Variants in SNX7 observed in about 807,000 individuals in gnomAD.
The protein encoded by SNX7 is sorting nexin 7, also known as sorting nexin-7.
A neutral mutation model predicts 48.4 loss-of-function variants in SNX7; 35 were observed. The observed-to-expected ratio is 0.72, with a 90% CI of 0.55 to 0.96. The LOEUF (loss-of-function observed/expected upper bound fraction) is 0.96. Ranked by LOEUF, SNX7 falls within the 40% of genes least tolerant of loss-of-function variation. The pLI, the probability that SNX7 is intolerant of heterozygous loss-of-function variation, is 0.00. For missense variants in SNX7, 553 were observed against 548.9 expected, an observed-to-expected ratio of 1.01 and a Z score of -0.07; for synonymous variants, 190 against 190.2, an observed-to-expected ratio of 1.00 and a Z score of 0.01.
At chr1:98,719,561 CTCTG>C (rs1274071639) in intron 7 of SNX7, among the ~76,000 whole-genome samples, 3 of 152,006 alleles carry the variant, frequency 2.0e-5, no homozygotes, top group East Asian at 1.9e-4. Flanking sequence ...AATTCTTGAT[CTCTG>C]TCTTTCTGAT....
chr1:98,725,533 T>TA (rs1398338584), intron 7 of SNX7, among the ~76,000 whole-genome samples: 1 of 152,152 alleles, frequency 6.6e-6, no homozygotes, highest in Non-Finnish European at 1.5e-5. Context: ...TAATATACTT[T>TA]AAAAAAACTG....
At chr1:98,674,797 G>T (rs1334518339) in intron 1 of SNX7, among the ~76,000 whole-genome samples, 1 of 152,182 alleles carries the variant, frequency 6.6e-6, no homozygotes. Flanking sequence ...GACAGTGGAT[G>T]TATTGTTTTG....
intron 7 of SNX7, among the ~76,000 whole-genome samples, chr1:98,732,798 T>A (rs1336285819): frequency 6.6e-6 from 1 of 152,096 alleles, no homozygotes; most frequent in Non-Finnish European, 1.5e-5. Flanking sequence ...TTTAACAGTT[T>A]CCAAATGAAC....
chr1:98,663,824 CG>C (rs1445167508), intron 1 of SNX7, among the ~76,000 whole-genome samples: 3 of 152,102 alleles, frequency 2.0e-5, no homozygotes, highest in African/African-American at 7.2e-5. Flanking sequence ...GTGTTAACTG[CG>C]CGTGTTGGAT....
chr1:98,745,215 G>A (rs1654255189), intron 8 of SNX7, among the ~76,000 whole-genome samples: 2 of 151,996 alleles, frequency 1.3e-5, no homozygotes, highest in African/African-American at 4.8e-5. Context: ...AGGTGTAATA[G>A]ATGGTCTGTA....
At chr1:98,731,940 G>A (rs6577375) in intron 7 of SNX7, among the ~76,000 whole-genome samples, 40,043 of 151,874 alleles carry the variant, frequency 0.26, 5,615 homozygotes, top group Middle Eastern at 0.31. Flanking sequence ...GTAATTAAAT[G>A]TAAGTTTTCA....
At chr1:98,703,718 CTATA>C (rs1215715415) in intron 7 of SNX7, among the ~76,000 whole-genome samples, 2 of 151,506 alleles carry the variant, frequency 1.3e-5, no homozygotes, top group South Asian at 4.2e-4. Context: ...TAGTTCTTAA[CTATA>C]TATAGAGAGA....
At chr1:98,710,442 T>G (rs917589704) in intron 7 of SNX7, among the ~76,000 whole-genome samples, 1 of 152,086 alleles carries the variant, frequency 6.6e-6, no homozygotes, top group African/African-American at 2.4e-5. Context: ...AGGAAGATTT[T>G]TTTTTTCTGT....
chr1:98,691,022 A>G, intron 2 of SNX7, 53 bp from the exon 3 acceptor site: 7 of 1,194,774 alleles, frequency 5.9e-6, no homozygotes, highest in Non-Finnish European at 8.2e-6. Flanking sequence ...ACGTTAGGCA[A>G]ATACCTTCTA....
At chr1:98,681,055 G>A (rs1356920822) in intron 1 of SNX7, among the ~76,000 whole-genome samples, 2 of 152,186 alleles carry the variant, frequency 1.3e-5, no homozygotes, top group Non-Finnish European at 2.9e-5. Context: ...TAGGAAAAGG[G>A]TTTAATGACT....
chr1:98,752,658 C>T (rs1202299588), intron 8 of SNX7, among the ~76,000 whole-genome samples: 1 of 152,000 alleles, frequency 6.6e-6, no homozygotes, highest in Non-Finnish European at 1.5e-5. Flanking sequence ...ATCTTAGCAT[C>T]AGTTGTTCAA....
chr1:98,743,889 C>A (rs887360559), intron 8 of SNX7, among the ~76,000 whole-genome samples: 3 of 151,928 alleles, frequency 2.0e-5, no homozygotes, highest in Non-Finnish European at 4.4e-5. Context: ...GTATTCTGAC[C>A]TTAAGAGGTT....
chr1:98,662,520 C>A (rs1649302771), intron 1 of SNX7: 2 of 437,696 alleles, frequency 4.6e-6, no homozygotes, highest in Admixed American at 3.8e-5. Flanking sequence ...CAACCCACAG[C>A]CAGTGCTTTC....
intron 7 of SNX7, among the ~76,000 whole-genome samples, chr1:98,709,833 T>G (rs1341843955): frequency 6.6e-6 from 1 of 152,202 alleles, no homozygotes; most frequent in Non-Finnish European, 1.5e-5. Context: ...GGCTTTACCT[T>G]GTTTTTTTCC....
rs192903963 is a variant in SNX7 at position 98,719,845 on chromosome 1, G to A, written c.1125+17942G>A. On this transcript the variant is annotated intron_variant, in intron 7 of 8. Coordinates refer to ENST00000306121, the MANE Select transcript of SNX7 (RefSeq NM_015976.5). ...ATTTGAAATTGATTCTTATAAATAT[G>A]AGGTTTTTGAGTCAACTATATATAT... Among the ~76,000 whole-genome samples the A allele has an allele frequency of 4.1e-3, 553 of 134,716 alleles. 4 individuals carry two copies. Among genetic ancestry groups the A allele is most frequent in the African/African-American group, 0.014 (514 of 35,514 alleles). 88.4% of individuals were successfully genotyped at this position (134,716 alleles called of 152,430 possible). A position where few individuals can be genotyped will look rare whatever the true frequency, so the allele number is the denominator to read the frequency against.
chr1:98,706,609 T>C (rs1652020557), intron 7 of SNX7, among the ~76,000 whole-genome samples: 1 of 152,182 alleles, frequency 6.6e-6, no homozygotes, highest in Admixed American at 6.5e-5. Context: ...CACAAGATGA[T>C]GTGCATGTGG....
chr1:98,738,561 T>G (rs1247439422), intron 8 of SNX7, among the ~76,000 whole-genome samples, 172 bp downstream of exon 8: 1 of 152,216 alleles, frequency 6.6e-6, no homozygotes, highest in Admixed American at 6.5e-5. Context: ...TTATCCTCAG[T>G]TTGTTGTTTT....
intron 7 of SNX7, among the ~76,000 whole-genome samples, chr1:98,726,109 C>T (rs1326924576): frequency 1.3e-5 from 2 of 152,064 alleles, no homozygotes; most frequent in Non-Finnish European, 2.9e-5. Flanking sequence ...ACCAGGGTGC[C>T]GCATTTTACA....
chr1:98,696,897 A>G (rs539229068), intron 5 of SNX7, among the ~76,000 whole-genome samples: 1 of 152,212 alleles, frequency 6.6e-6, no homozygotes, highest in African/African-American at 2.4e-5. Flanking sequence ...ATCAAAGAGT[A>G]ATTAAGATGG....
Sources: gnomAD v4.1 joint callset for allele counts (sites outside exome capture counted in the v4.1 genomes callset) on GRCh38, gnomAD v4.1.1 for gene constraint, MANE v1.5 for transcripts, NCBI Gene and HGNC (gene_info 2026-07-23, HGNC 2026-07-21) for gene names.